Variants in SASH1 observed in about 807,000 individuals in gnomAD.
SASH1 encodes the protein SAM and SH3 domain-containing protein 1.
A neutral mutation model predicts 125.2 loss-of-function variants in SASH1; 44 were observed. The ratio of observed to expected loss-of-function variants is 0.35; its 90% CI spans 0.28 to 0.45. The LOEUF (loss-of-function observed/expected upper bound fraction) is 0.45, where lower values mean the gene tolerates loss of function less well. Ranked by LOEUF, SASH1 falls within the 20% of genes least tolerant of loss-of-function variation. SASH1 has a pLI of 1.00. For synonymous variants in SASH1, 639 were observed against 649.1 expected (o/e 0.98, Z 0.24); for missense variants, 1,426 against 1,614.5 (o/e 0.88, Z 2.00).
chr6:148,524,532 A>T (rs1562482453), intron 10 of SASH1: 1 of 152,172 alleles, frequency 6.6e-6, no homozygotes, highest in East Asian at 1.9e-4. Flanking sequence ...TAAAGTTTTC[A>T]TTCTTTATAA....
At chr6:148,251,705 T>A in the SASH1 span, among the ~76,000 whole-genome samples, 7 of 152,040 alleles carry the variant, frequency 4.6e-5, no homozygotes, top group African/African-American at 1.7e-4. Context: ...TATTATACTT[T>A]AAGTTTTAGG....
intron 16 of SASH1, among the ~76,000 whole-genome samples, chr6:148,535,223 G>A (rs1001113816): frequency 1.3e-5 from 2 of 152,324 alleles, no homozygotes; most frequent in East Asian, 1.9e-4. Flanking sequence ...CTCCTGTGCC[G>A]CCGCCACCTT....
At chr6:148,449,074 A>ATTTTTT (rs1562419990) in intron 4 of SASH1, among the ~76,000 whole-genome samples, 12 of 32,740 alleles carry the variant, frequency 3.7e-4, no homozygotes, top group Non-Finnish European at 5.1e-4. Flanking sequence ...ATTTCATTTC[A>ATTTTTT]TTTCTTTTTT....
chr6:148,546,090 G>A lies in SASH1; in HGVS notation c.3424G>A (p.Ala1142Thr), dbSNP rs769622545. Reference sequence around the variant, plus strand: ...CTTGGATCAGCCCGAGCGGGACGTCGCCGCCAACATGGACCAGATCCGGGT... The same window carrying A: ...CTTGGATCAGCCCGAGCGGGACGTCACCGCCAACATGGACCAGATCCGGGT... The part of the protein sequence containing the change: ...EDLDQPERDV[A>T]ANMDQIRVKQ... The change falls in exon 19 of 20, where the codon GCC becomes ACC. Residue 1142 changes from alanine to threonine, a missense_variant. Ala to Thr is a moderately conservative substitution (Grantham distance 58). Coordinates refer to ENST00000367467, the MANE Select transcript of SASH1 (RefSeq NM_015278.5). 6.2e-6 allele frequency: 10 copies of A among 1,614,222 alleles called. No individual in the cohort carries two copies. In the Admixed American group the frequency reaches 1.2e-4, roughly 19 times the overall value.
the SASH1 span, among the ~76,000 whole-genome samples, chr6:148,266,786 T>G: frequency 4.8e-3 from 727 of 151,736 alleles, 6 homozygotes; most frequent in African/African-American, 0.017. Flanking sequence ...TAATTTTTTT[T>G]TTTTTGGTAG....
intron 8 of SASH1, among the ~76,000 whole-genome samples, chr6:148,493,274 C>T (rs910536693): frequency 6.6e-6 from 1 of 152,202 alleles, no homozygotes; most frequent in Non-Finnish European, 1.5e-5. Context: ...ATATATGACC[C>T]TTGCCCCTCT....
chr6:148,219,861 G>C, the SASH1 span, among the ~76,000 whole-genome samples: 3 of 152,210 alleles, frequency 2.0e-5, no homozygotes, highest in Non-Finnish European at 4.4e-5. Context: ...GGTGGAACCT[G>C]AGGGGAGGGT....
At chr6:148,273,858 C>T (rs1779122889) in intron 1 of SASH1, among the ~76,000 whole-genome samples, 1 of 152,144 alleles carries the variant, frequency 6.6e-6, no homozygotes, top group Admixed American at 6.5e-5. Context: ...ACTGTCGGTG[C>T]CCAGTCAATA....
At chr6:148,322,793 A>G (rs925875004) in intron 1 of SASH1, among the ~76,000 whole-genome samples, 1 of 151,968 alleles carries the variant, frequency 6.6e-6, no homozygotes, top group Non-Finnish European at 1.5e-5. Context: ...GATGTTCTCC[A>G]TCTTTTGCCT....
chr6:148,515,739 G>T (rs534353449), intron 9 of SASH1, among the ~76,000 whole-genome samples: 2 of 152,302 alleles, frequency 1.3e-5, no homozygotes, highest in South Asian at 4.1e-4. Flanking sequence ...CCCTGTGGCG[G>T]CCCTTACCGA....
intron 8 of SASH1, among the ~76,000 whole-genome samples, chr6:148,505,091 G>A (rs1261270212): frequency 3.3e-5 from 5 of 152,186 alleles, no homozygotes; most frequent in Admixed American, 3.3e-4. Context: ...TCACATTCAA[G>A]GTCTCATTTT....
the SASH1 span, among the ~76,000 whole-genome samples, chr6:148,228,044 T>C: frequency 6.6e-6 from 1 of 152,208 alleles, no homozygotes; most frequent in Non-Finnish European, 1.5e-5. Context: ...CATTTCAAGC[T>C]AGTACAGACT....
chr6:148,235,824 C>T, the SASH1 span, among the ~76,000 whole-genome samples: 3 of 152,198 alleles, frequency 2.0e-5, no homozygotes, highest in African/African-American at 2.4e-5. Context: ...GCTAGTTACA[C>T]GTTATTTCTA....
chr6:148,232,564 G>T, the SASH1 span, among the ~76,000 whole-genome samples: 1 of 152,176 alleles, frequency 6.6e-6, no homozygotes, highest in Non-Finnish European at 1.5e-5. Context: ...TTAAATTTGA[G>T]CTGACAGTAA....
At chr6:148,326,701 C>T (rs557446737) in intron 1 of SASH1, among the ~76,000 whole-genome samples, 8 of 152,070 alleles carry the variant, frequency 5.3e-5, no homozygotes, top group South Asian at 2.1e-4. Context: ...CTCGCCTGGC[C>T]GCCATATTGC....
chr6:148,487,515 C>T, intron 7 of SASH1, 99 bp from the exon 8 acceptor site: 1 of 830,402 alleles, frequency 1.2e-6, no homozygotes, highest in Non-Finnish European at 1.9e-6. Context: ...GATTATGAAC[C>T]AGGAACCTAG....
chr6:148,241,231 G>T, the SASH1 span, among the ~76,000 whole-genome samples: 1 of 152,200 alleles, frequency 6.6e-6, no homozygotes, highest in Non-Finnish European at 1.5e-5. Context: ...AGTTGGAAGA[G>T]GCTGGAAATA....
intron 1 of SASH1, among the ~76,000 whole-genome samples, chr6:148,284,037 C>T (rs1779418157): frequency 6.6e-6 from 1 of 152,142 alleles, no homozygotes; most frequent in Admixed American, 6.5e-5. Context: ...TTATCCACTT[C>T]AGGCCAAGGA....
At chr6:148,317,204 T>A (rs1780499267) in intron 1 of SASH1, among the ~76,000 whole-genome samples, 1 of 152,192 alleles carries the variant, frequency 6.6e-6, no homozygotes, top group South Asian at 2.1e-4. Context: ...ATACTTCTCT[T>A]GGATGAAGAC....
Sources: allele counts gnomAD v4.1 joint callset (sites outside exome capture counted in the v4.1 genomes callset), GRCh38; gene constraint gnomAD v4.1.1; transcripts MANE v1.5; gene names NCBI Gene and HGNC (gene_info 2026-07-23, HGNC 2026-07-21).